PDS5B: variants seen among roughly 807,000 people sequenced by gnomAD.
The protein encoded by PDS5B is PDS5 cohesin associated factor B, also known as sister chromatid cohesion protein PDS5 homolog B.
A neutral mutation model predicts 184.1 loss-of-function variants in PDS5B; 51 were observed. The ratio of observed to expected loss-of-function variants is 0.28; its 90% confidence interval spans 0.22 to 0.35. PDS5B has a LOEUF of 0.35. Among genes scored for constraint, PDS5B ranks in the 10% least tolerant of loss-of-function variants. The probability of loss-of-function intolerance (pLI) is 1.00; values close to 1 mark genes in which losing one functional copy is unlikely to be tolerated. For missense variants in PDS5B, 1,180 were observed against 1,723.3 expected (o/e 0.68, Z 5.58); for synonymous variants, 566 against 569.2 (o/e 0.99, Z 0.08).
Position 32,758,206 on chromosome 13 carries a change from C to T in PDS5B, c.3176C>T (p.Ala1059Val), listed in dbSNP as rs187975521. Reference protein sequence around the residue: ...QTKDAQGPDDAKMNEKLYTVC... With the variant: ...QTKDAQGPDDVKMNEKLYTVC... ...AAAGATGCCCAAGGACCAGATGATG[C>T]AAAAATGAATGAAGTATGTAATTCT... The change falls in exon 27 of 35, where the codon GCA (alanine) becomes GTA (valine). Residue 1059 changes from alanine to valine, a missense_variant. Ala to Val is a moderately conservative substitution (Grantham distance 64, BLOSUM62 0). Transcript: ENST00000315596. 6.5e-4 allele frequency: 986 copies of T among 1,523,414 alleles called. No homozygotes were observed. Among genetic ancestry groups the T allele is most frequent in the Admixed American group, 8.0e-4 (39 of 48,770 alleles). The allele number at this position is 1,523,414 out of a possible 1,614,324, so 94.4% of individuals were successfully genotyped here.
intron 1 of PDS5B, among the ~76,000 whole-genome samples, chr13:32,589,747 T>C (rs2057745548): frequency 6.6e-6 from 1 of 152,148 alleles, no homozygotes; most frequent in African/African-American, 2.4e-5. Flanking sequence ...ATTCCAAAAA[T>C]ACTTAGTTTA....
At chr13:32,666,188 C>A (rs1282622135) in intron 6 of PDS5B, among the ~76,000 whole-genome samples, 1 of 152,184 alleles carries the variant, frequency 6.6e-6, no homozygotes, top group African/African-American at 2.4e-5. Flanking sequence ...TCAAGCAATT[C>A]TTCTGCCTCA....
At chr13:32,649,635 G>A (rs1314096076) in intron 2 of PDS5B, 1 of 152,114 alleles carries the variant, frequency 6.6e-6, no homozygotes, top group Non-Finnish European at 1.5e-5. Context: ...AGATCCAGGG[G>A]CTTAAAAACA....
At chr13:32,773,363 A>G (rs945176029) in intron 34 of PDS5B, 39 bp downstream of exon 34, 2 of 1,553,880 alleles carry the variant, frequency 1.3e-6, no homozygotes, top group Non-Finnish European at 1.7e-6. Context: ...GTGGGATATA[A>G]AAAGAGTTAG....
intron 1 of PDS5B, among the ~76,000 whole-genome samples, chr13:32,593,537 C>T (rs1001663872): frequency 2.6e-5 from 4 of 152,268 alleles, no homozygotes; most frequent in East Asian, 3.9e-4. Flanking sequence ...GACGGGGTTT[C>T]GCCATGTTGG....
intron 1 of PDS5B, among the ~76,000 whole-genome samples, chr13:32,613,605 G>C (rs2058174753): frequency 6.6e-6 from 1 of 152,090 alleles, no homozygotes; most frequent in Non-Finnish European, 1.5e-5. Context: ...CTATTCAGTT[G>C]TAATAAAGCT....
chr13:32,686,427 A>G (rs1159092874), intron 11 of PDS5B, among the ~76,000 whole-genome samples: 1 of 152,166 alleles, frequency 6.6e-6, no homozygotes, highest in East Asian at 1.9e-4. Flanking sequence ...TATAGACCAC[A>G]ATTAGAAAAA....
At chr13:32,627,533 AAAG>A (rs1171493186) in intron 1 of PDS5B, among the ~76,000 whole-genome samples, 6 of 152,166 alleles carry the variant, frequency 3.9e-5, no homozygotes, top group Non-Finnish European at 8.8e-5. Context: ...AGGGGGTTGA[AAAG>A]AAATATCTTT....
intron 10 of PDS5B, among the ~76,000 whole-genome samples, chr13:32,679,670 A>G (rs1951178155): frequency 6.6e-6 from 1 of 152,120 alleles, no homozygotes; most frequent in Admixed American, 6.6e-5. Flanking sequence ...AAATAAATGA[A>G]TAAAACAGCA....
intron 18 of PDS5B, among the ~76,000 whole-genome samples, chr13:32,708,061 T>C (rs1176564821): frequency 2.4e-5 from 3 of 125,932 alleles, no homozygotes; most frequent in Non-Finnish European, 5.0e-5. Context: ...CTACTCCCCG[T>C]TCCCTAGGAA....
chr13:32,673,837 A>AT (rs113238018), intron 8 of PDS5B, among the ~76,000 whole-genome samples: 7,316 of 151,084 alleles, frequency 0.048, 487 homozygotes, highest in African/African-American at 0.16. Flanking sequence ...TTGAGACAGG[A>AT]TTTTTTTTTG....
intron 3 of PDS5B, among the ~76,000 whole-genome samples, chr13:32,653,975 A>T (rs1266111176): frequency 6.6e-6 from 1 of 152,238 alleles, no homozygotes; most frequent in East Asian, 1.9e-4. Context: ...CTCCCTAAAG[A>T]ATAGCTACAT....
rs1400228138 is a variant in PDS5B at position 32,777,181 on chromosome 13, A to G, written c.*2129A>G. ...ATTGTGAAGGATTTTTATTTGCATG[A>G]TTATAGTTAAGCAAATTTCATTTCA... On this transcript the variant is annotated 3_prime_UTR_variant, in exon 35 of 35. Transcript: ENST00000315596. 1.3e-5 allele frequency: 2 copies of G among 152,028 alleles called. No homozygotes were observed. The highest frequency in any genetic ancestry group is 2.9e-5 in the Non-Finnish European group (2 of 67,882). 9.4% of individuals were successfully genotyped at this position (152,028 alleles called of 1,614,324 possible). A position where few individuals can be genotyped will look rare whatever the true frequency, so the allele number is the denominator to read the frequency against.
intron 22 of PDS5B, among the ~76,000 whole-genome samples, chr13:32,741,955 C>T (rs1953574354): frequency 6.6e-6 from 1 of 151,964 alleles, no homozygotes; most frequent in Non-Finnish European, 1.5e-5. Context: ...AGAAGGTAGG[C>T]CACTTACCAA....
intron 24 of PDS5B, among the ~76,000 whole-genome samples, chr13:32,748,009 A>G (rs971315520): frequency 2.0e-5 from 3 of 152,232 alleles, no homozygotes; most frequent in African/African-American, 4.8e-5. Flanking sequence ...CTCAAGCACC[A>G]AATTCCCAAG....
chr13:32,622,989 G>C (rs570142591), intron 1 of PDS5B, among the ~76,000 whole-genome samples: 3 of 152,146 alleles, frequency 2.0e-5, no homozygotes, highest in African/African-American at 7.2e-5. Context: ...TGGAGACTAG[G>C]GTTTTTAAGG....
At position 32,775,102 on chromosome 13, in the gene PDS5B, T is replaced by TTTTTTTC. The variant is rs1954916350; in HGVS notation, c.*56_*57insCTTTTTT. On this transcript the variant is annotated 3_prime_UTR_variant, in exon 35 of 35. Transcript: ENST00000315596. ...TGTGAAAGCTTTGGAAAAATCTTTT[T>TTTTTTTC]TTTTTTTTTTGGTCAAGCTTGAGGC... 6.6e-7 allele frequency: 1 copy of TTTTTTTC among 1,512,340 alleles called. No homozygotes were observed. The highest frequency in any genetic ancestry group is 1.4e-5 in the African/African-American group (1 of 71,032). The allele number at this position is 1,512,340 out of a possible 1,614,324, so 93.7% of individuals were successfully genotyped here.
chr13:32,773,139 C>G, intron 33 of PDS5B, 50 bp from the exon 34 acceptor site: 1 of 1,498,478 alleles, frequency 6.7e-7, no homozygotes, highest in African/African-American at 1.4e-5. Context: ...ACGAGGTAAT[C>G]TACTGAAAGA....
At chr13:32,720,000 G>C (rs1032270236) in intron 19 of PDS5B, among the ~76,000 whole-genome samples, 3 of 152,136 alleles carry the variant, frequency 2.0e-5, no homozygotes, top group Non-Finnish European at 1.5e-5. Context: ...ATTTTGCCAT[G>C]TGGGCGGGGC....
Sources: allele counts gnomAD v4.1 joint callset (sites outside exome capture counted in the v4.1 genomes callset), GRCh38; gene constraint gnomAD v4.1.1; transcripts MANE v1.5; gene names NCBI Gene and HGNC (gene_info 2026-07-23, HGNC 2026-07-21).